The following IRGM variants were observed in gnomAD, a reference collection of about 807,000 sequenced individuals.
IRGM encodes immunity-related GTPase family M protein.
For synonymous variants in IRGM, 98 were observed against 80.6 expected, an observed-to-expected ratio of 1.22 and a Z score of -1.16; for missense variants, 288 against 219.9, an observed-to-expected ratio of 1.31 and a Z score of -1.96.
intron 3 of IRGM, among the ~76,000 whole-genome samples, chr5:150,885,978 TTGTG>T (rs1282469931): frequency 6.6e-6 from 1 of 152,160 alleles, no homozygotes; most frequent in Non-Finnish European, 1.5e-5. Context: ...GTATCCTGTC[TTGTG>T]CCAGTTTTCA....
Position 150,896,470 on chromosome 5 carries a change from T to G in IRGM, c.*141-4119T>G, listed in dbSNP as rs375500246. The G allele has an allele frequency of 3.3e-5, 54 of 1,613,422 alleles. No individual in the cohort carries two copies. Among genetic ancestry groups the G allele is most frequent in the Admixed American group, 2.0e-4 (12 of 59,864 alleles). ...TTAGTTTCCACATTCTGATATTGAATAAGGGATTGTGTATTTCTAAAAACG... is the reference window on the plus strand; with the variant it reads ...TTAGTTTCCACATTCTGATATTGAAGAAGGGATTGTGTATTTCTAAAAACG... On this transcript the variant is annotated intron_variant and NMD_transcript_variant, in intron 3 of 3. Transcript: ENST00000520549.
At chr5:150,857,182 T>G (rs1355924145) in intron 1 of IRGM, among the ~76,000 whole-genome samples, 17 of 151,892 alleles carry the variant, frequency 1.1e-4, no homozygotes, top group Non-Finnish European at 2.4e-4. Context: ...ACATGTGGTG[T>G]TTGGTTTTTT....
chr5:150,885,323 T>TA (rs1463627224), intron 3 of IRGM, among the ~76,000 whole-genome samples: 2 of 149,728 alleles, frequency 1.3e-5, no homozygotes, highest in Non-Finnish European at 3.0e-5. Context: ...TGCAGCACTG[T>TA]AGTATAGTTT....
intron 1 of IRGM, among the ~76,000 whole-genome samples, chr5:150,857,062 C>T (rs989463068): frequency 1.3e-5 from 2 of 151,898 alleles, no homozygotes; most frequent in African/African-American, 4.8e-5. Context: ...GGTATATCTC[C>T]TAATGCTATC....
At chr5:150,877,273 T>A (rs1327831619) in intron 1 of IRGM, among the ~76,000 whole-genome samples, 1 of 152,282 alleles carries the variant, frequency 6.6e-6, no homozygotes, top group Middle Eastern at 3.4e-3. Flanking sequence ...GTCAGTGGAC[T>A]GGGAAAGGCA....
chr5:150,884,876 T>C (rs1410089164), intron 3 of IRGM, among the ~76,000 whole-genome samples: 1 of 152,182 alleles, frequency 6.6e-6, no homozygotes, highest in Non-Finnish European at 1.5e-5. Flanking sequence ...ATCTATTTAC[T>C]CTGTTGATGG....
At chr5:150,895,933 G>C in intron 3 of IRGM, 1 of 1,613,424 alleles carries the variant, frequency 6.2e-7, no homozygotes, top group Non-Finnish European at 8.5e-7. Context: ...CATTTGTAGG[G>C]TTTCTCACCA....
rs549528218 is a variant in IRGM, at chr5:150,859,378, C to G, written c.158+10724C>G. 4.9e-4 allele frequency among the ~76,000 whole-genome samples: 75 copies of G among 152,278 alleles called. 1 individual carries two copies. The highest frequency in any genetic ancestry group is 1.0e-3 in the Admixed American group (16 of 15,298). ...ATCGATGTTCATCAAGGATATTGGTCTAAAATTCTCTTTTTTGGCTGTGTC... is the reference window on the plus strand; with the variant it reads ...ATCGATGTTCATCAAGGATATTGGTGTAAAATTCTCTTTTTTGGCTGTGTC... On this transcript the variant is annotated intron_variant and NMD_transcript_variant, in intron 1 of 3. Coordinates refer to the IRGM transcript ENST00000520549.
chr5:150,850,200 TTTA>T (rs1753954183), downstream of IRGM, among the ~76,000 whole-genome samples: 1 of 152,342 alleles, frequency 6.6e-6, no homozygotes, highest in South Asian at 2.1e-4. Context: ...AAATGTCTGC[TTTA>T]TTGAGATGCT....
At chr5:150,854,893 T>A (rs945695627) in intron 1 of IRGM, among the ~76,000 whole-genome samples, 1 of 152,146 alleles carries the variant, frequency 6.6e-6, no homozygotes, top group Non-Finnish European at 1.5e-5. Flanking sequence ...GCCCCTTTCT[T>A]CTCTTTCTCA....
At chr5:150,887,658 GAAAAAAA>G (rs75460329) in intron 3 of IRGM, among the ~76,000 whole-genome samples, 1 of 88,532 alleles carries the variant, frequency 1.1e-5, no homozygotes, top group Non-Finnish European at 2.6e-5. Context: ...AGGTCAAAAT[GAAAAAAA>G]AAAAAAAAAG....
At chr5:150,886,128 A>G (rs904040667) in intron 3 of IRGM, among the ~76,000 whole-genome samples, 1 of 152,060 alleles carries the variant, frequency 6.6e-6, no homozygotes, top group Admixed American at 6.6e-5. Context: ...GTTGAATTTT[A>G]TTGAAAGCAT....
intron 3 of IRGM, among the ~76,000 whole-genome samples, chr5:150,894,117 C>G (rs959569088): frequency 1.3e-5 from 2 of 152,014 alleles, no homozygotes; most frequent in Non-Finnish European, 2.9e-5. Flanking sequence ...GGAAATCAAG[C>G]AGGAAATATG....
Position 150,846,677 on chromosome 5 carries a change from A to AT in IRGM, c.-959_-958insT, listed in dbSNP as rs1753861392. ...CAGCATCACTCCTGAAACCTGTGAA[A>AT]CAACGAACCCCCCGGGGAGAAACGA... On this transcript the variant is annotated 5_prime_UTR_variant, in exon 1 of 2. Coordinates refer to ENST00000522154, the MANE Select transcript of IRGM (RefSeq NM_001145805.2). The AT allele has an allele frequency of 6.9e-6, 1 of 145,704 alleles. No individual in the cohort carries two copies. Among genetic ancestry groups the AT allele is most frequent in the Non-Finnish European group, 1.5e-5 (1 of 67,978 alleles). The allele number at this position is 145,704 out of a possible 1,614,324, so 9.0% of individuals were successfully genotyped here.
At chr5:150,863,884 CTGTT>C (rs895577373) in intron 1 of IRGM, among the ~76,000 whole-genome samples, 2 of 152,144 alleles carry the variant, frequency 1.3e-5, no homozygotes, top group African/African-American at 4.8e-5. Flanking sequence ...AAGGGTCTTC[CTGTT>C]TAAGAGAAAT....
At chr5:150,889,355 T>C (rs1039324593) in intron 3 of IRGM, among the ~76,000 whole-genome samples, 2 of 151,954 alleles carry the variant, frequency 1.3e-5, no homozygotes, top group Admixed American at 1.3e-4. Context: ...ACTCCCCCTT[T>C]ATAAAACCAT....
At chr5:150,862,683 T>A (rs1754153029) in intron 1 of IRGM, among the ~76,000 whole-genome samples, 2 of 152,188 alleles carry the variant, frequency 1.3e-5, no homozygotes, top group Admixed American at 1.3e-4. Context: ...AGGTAATAAA[T>A]TAAGTCTATT....
intron 1 of IRGM, among the ~76,000 whole-genome samples, chr5:150,859,388 C>A (rs1180348634): frequency 6.6e-6 from 1 of 152,126 alleles, no homozygotes; most frequent in Non-Finnish European, 1.5e-5. Flanking sequence ...CTAAAATTCT[C>A]TTTTTTGGCT....
chr5:150,898,461 T>C, intron 3 of IRGM: 1 of 1,613,438 alleles, frequency 6.2e-7, no homozygotes, highest in Non-Finnish European at 8.5e-7. Flanking sequence ...TTCTCCAGCA[T>C]CACATCCCTG....
Sources: allele counts gnomAD v4.1 joint callset (sites outside exome capture counted in the v4.1 genomes callset), GRCh38; gene constraint gnomAD v4.1.1; transcripts MANE v1.5; gene names NCBI Gene and HGNC (gene_info 2026-07-23, HGNC 2026-07-21).